PKP4: variants seen among roughly 807,000 people sequenced by gnomAD.
PKP4 encodes the protein plakophilin-4.
Under a neutral mutation model 145.1 loss-of-function variants are expected in PKP4, and 90 were observed. The ratio of observed to expected loss-of-function variants is 0.62; its 90% confidence interval spans 0.52 to 0.74. PKP4 has a LOEUF of 0.74. Ranked by LOEUF, PKP4 falls within the 30% of genes least tolerant of loss-of-function variation. The pLI is 0.00. For missense variants in PKP4, 1,340 were observed against 1,482.7 expected, an observed-to-expected ratio of 0.90 and a Z score of 1.58; for synonymous variants, 563 against 577.2, an observed-to-expected ratio of 0.98 and a Z score of 0.35.
intron 1 of PKP4, among the ~76,000 whole-genome samples, chr2:158,486,738 A>C (rs539449624): frequency 6.6e-6 from 1 of 152,254 alleles, no homozygotes; most frequent in Non-Finnish European, 1.5e-5. Context: ...ACTGATGTGT[A>C]ATGCCAGCAG....
rs367613300 is a variant in PKP4 at position 158,666,542 on chromosome 2, G to A, written c.2707G>A (p.Val903Ile). The A allele has an allele frequency of 3.1e-6, 5 of 1,612,462 alleles. No individual in the cohort carries two copies. In the African/African-American group the frequency reaches 6.7e-5, roughly 22 times the overall value. ...ATALRNMALD[V>I]RNKELIGKYA... ...AGCCTTGAGGAATATGGCACTAGATGTTCGCAACAAGGAGCTCATAGGTAT... is the reference window on the plus strand; with the variant it reads ...AGCCTTGAGGAATATGGCACTAGATATTCGCAACAAGGAGCTCATAGGTAT... Residue 903 changes from valine to isoleucine, a missense_variant, in exon 16 of 22, where the codon GTT (valine) becomes ATT (isoleucine). Physicochemically the swap from Val to Ile is conservative, Grantham distance 29 (BLOSUM62 3). Transcript: ENST00000389759.
At chr2:158,523,789 G>T (rs1328843046) in intron 1 of PKP4, among the ~76,000 whole-genome samples, 7 of 124,658 alleles carry the variant, frequency 5.6e-5, no homozygotes, top group Non-Finnish European at 9.7e-5. Context: ...GTGCTTAAAG[G>T]AGCTGATGGA....
chr2:158,653,604 GTATGTT>G (rs1406880829), intron 11 of PKP4, among the ~76,000 whole-genome samples: 2 of 152,122 alleles, frequency 1.3e-5, no homozygotes, highest in African/African-American at 4.8e-5. Context: ...AAATTAGTTT[GTATGTT>G]TATATTCTTA....
At chr2:158,572,741 T>C (rs1351658044) in intron 2 of PKP4, among the ~76,000 whole-genome samples, 2 of 152,018 alleles carry the variant, frequency 1.3e-5, no homozygotes, top group Non-Finnish European at 1.5e-5. Context: ...TCAATAAACA[T>C]AGGAAAAAGG....
intron 2 of PKP4, among the ~76,000 whole-genome samples, chr2:158,560,393 G>A (rs2046416556): frequency 6.6e-6 from 1 of 152,022 alleles, no homozygotes; most frequent in African/African-American, 2.4e-5. Context: ...AAAAAAAAAT[G>A]GATCTTCTGT....
Position 158,468,671 on chromosome 2 carries a change from C to T in PKP4, c.-6+11453C>T, listed in dbSNP as rs1350751528. Among the ~76,000 whole-genome samples, 8 of 151,170 alleles carry T rather than the reference C, an allele frequency of 5.3e-5. No individual in the cohort carries two copies. The East Asian group carries it at 9.7e-4, about 18-fold the overall frequency. On this transcript the variant is annotated intron_variant, in intron 1 of 21. Coordinates refer to ENST00000389759, the MANE Select transcript of PKP4 (RefSeq NM_003628.6). ...CCTATGTGATTGGAATTAATCCAGT[C>T]GTTAGGTTGAAGCCAGTAAGCATAC...
intron 1 of PKP4, among the ~76,000 whole-genome samples, chr2:158,472,050 A>G (rs1246367573): frequency 2.0e-5 from 3 of 152,224 alleles, no homozygotes; most frequent in Admixed American, 6.5e-5. Context: ...GTTAAAGAAT[A>G]TATAATTAGT....
At chr2:158,526,152 G>A (rs976422963) in intron 1 of PKP4, among the ~76,000 whole-genome samples, 2 of 143,698 alleles carry the variant, frequency 1.4e-5, no homozygotes, top group South Asian at 4.6e-4. Context: ...GCATCATTCT[G>A]ATACCAAAGC....
intron 3 of PKP4, among the ~76,000 whole-genome samples, chr2:158,583,338 A>G (rs1415428508): frequency 1.3e-5 from 2 of 152,140 alleles, no homozygotes; most frequent in Admixed American, 6.5e-5. Context: ...ACTTCCCCTT[A>G]TGCCTCCACT....
At chr2:158,609,523 T>C (rs1045349363) in intron 4 of PKP4, among the ~76,000 whole-genome samples, 1 of 152,248 alleles carries the variant, frequency 6.6e-6, no homozygotes, top group African/African-American at 2.4e-5. Flanking sequence ...CTCTACCTTT[T>C]TTCTTAAGTT....
chr2:158,554,017 A>AGCTCATGGCCACC (rs2045857651), intron 2 of PKP4, among the ~76,000 whole-genome samples: 1 of 150,060 alleles, frequency 6.7e-6, no homozygotes, highest in Non-Finnish European at 1.5e-5. Context: ...ACATGAATTT[A>AGCTCATGGCCACC]TTTCTTTAAC....
rs767799283 is a variant in PKP4 at position 158,681,399 on chromosome 2, A to G, written c.*722A>G. On this transcript the variant is annotated 3_prime_UTR_variant, in exon 22 of 22. Transcript: ENST00000389759. ...TGCCATTTTCTATTCACATAAAAGA[A>G]AAATAAATGTGGAAATTTCATCCTT... 3 of 152,520 alleles carry G rather than the reference A, an allele frequency of 2.0e-5. No homozygotes were observed. The highest frequency in any genetic ancestry group is 2.9e-5 in the Non-Finnish European group (2 of 68,046). 9.4% of individuals were successfully genotyped at this position (152,520 alleles called of 1,614,324 possible). A position where few individuals can be genotyped will look rare whatever the true frequency, so the allele number is the denominator to read the frequency against.
rs542287747 is a variant in PKP4 at position 158,613,038 on chromosome 2, T to C, written c.281-7952T>C. On this transcript the variant is annotated intron_variant, in intron 4 of 21. Coordinates refer to ENST00000389759, the MANE Select transcript of PKP4 (RefSeq NM_003628.6). Reference sequence around the variant, plus strand: ...TTAAAAAATCACCACTGGATATAATTGTGGGTGCCAACATCTCACTCCAGA... The same window carrying C: ...TTAAAAAATCACCACTGGATATAATCGTGGGTGCCAACATCTCACTCCAGA... Among the ~76,000 whole-genome samples, 12 of 152,268 alleles carry C rather than the reference T, an allele frequency of 7.9e-5. No homozygotes were observed. In the East Asian group the frequency reaches 2.3e-3, roughly 29 times the overall value.
intron 1 of PKP4, among the ~76,000 whole-genome samples, chr2:158,459,115 G>A (rs1559167202): frequency 6.6e-6 from 1 of 152,170 alleles, no homozygotes; most frequent in Non-Finnish European, 1.5e-5. Flanking sequence ...TTTTTAAAGA[G>A]AAACTAGAAG....
chr2:158,645,764 T>C lies in PKP4; in HGVS notation c.1909+3065T>C, dbSNP rs1312558396. 3.3e-5 allele frequency among the ~76,000 whole-genome samples: 5 copies of C among 152,208 alleles called. No individual in the cohort carries two copies. The East Asian group carries it at 9.6e-4, about 29-fold the overall frequency. On this transcript the variant is annotated intron_variant, in intron 11 of 21. Transcript: ENST00000389759. Reference sequence around the variant, plus strand: ...TGAATTTCTGTTTGAGTTTTTTCCTTGGGAGAGACTATTACAGTGCCTTTC... The same window carrying C: ...TGAATTTCTGTTTGAGTTTTTTCCTCGGGAGAGACTATTACAGTGCCTTTC...
chr2:158,547,334 G>A (rs1237777486), intron 2 of PKP4, among the ~76,000 whole-genome samples: 1 of 152,084 alleles, frequency 6.6e-6, no homozygotes, highest in African/African-American at 2.4e-5. Context: ...CAAGAAAAAA[G>A]AACCCAACCA....
chr2:158,499,296 A>G (rs941368049), intron 1 of PKP4, among the ~76,000 whole-genome samples: 6 of 152,156 alleles, frequency 3.9e-5, no homozygotes, highest in South Asian at 2.1e-4. Flanking sequence ...ACATCAGCCA[A>G]CAAAAGTGGG....
chr2:158,665,288 G>A (rs2056980387), intron 15 of PKP4, among the ~76,000 whole-genome samples: 2 of 152,152 alleles, frequency 1.3e-5, no homozygotes, highest in South Asian at 4.1e-4. Flanking sequence ...CTGCCTGAGT[G>A]CTTTGCCTAG....
At chr2:158,596,236 T>A (rs1230160434) in intron 3 of PKP4, among the ~76,000 whole-genome samples, 1 of 152,140 alleles carries the variant, frequency 6.6e-6, no homozygotes, top group Non-Finnish European at 1.5e-5. Context: ...GAAAGTAAGA[T>A]AATAAAGAAT....
Sources: allele counts gnomAD v4.1 joint callset (sites outside exome capture counted in the v4.1 genomes callset), GRCh38; gene constraint gnomAD v4.1.1; transcripts MANE v1.5; gene names NCBI Gene and HGNC (gene_info 2026-07-23, HGNC 2026-07-21).